The following AP3M1 variants were observed in gnomAD, a reference collection of about 807,000 sequenced individuals.
AP3M1 encodes adaptor related protein complex 3 subunit mu 1.
AP3M1 carries 29 observed loss-of-function variants against 42.6 expected under a neutral mutation model. That is an observed-to-expected ratio of 0.68 (90% CI 0.51 to 0.93). The LOEUF is 0.93. Ranked by LOEUF, AP3M1 falls within the 40% of genes least tolerant of loss-of-function variation. The probability of loss-of-function intolerance (pLI) is 0.00; values close to 1 mark genes in which losing one functional copy is unlikely to be tolerated. For synonymous variants in AP3M1, 178 were observed against 175.3 expected, an observed-to-expected ratio of 1.02 and a Z score of -0.12; for missense variants, 416 against 510.2, an observed-to-expected ratio of 0.82 and a Z score of 1.78.
At position 74,123,754 on chromosome 10, in the gene AP3M1, A is replaced by T. The variant is rs970003636; in HGVS notation, c.*56T>A. The T allele has an allele frequency of 1.5e-6, 2 of 1,329,294 alleles. No individual in the cohort carries two copies. Among genetic ancestry groups the T allele is most frequent in the Admixed American group, 3.4e-5 (2 of 59,514 alleles). The allele number at this position is 1,329,294 out of a possible 1,614,324, so 82.3% of individuals were successfully genotyped here. A position where few individuals can be genotyped will look rare whatever the true frequency, so the allele number is the denominator to read the frequency against. On this transcript the variant is annotated 3_prime_UTR_variant, in exon 9 of 9. Transcript: ENST00000355264. The stretch of plus-strand genomic sequence containing the variant: ...CCCACTCACTTGGTACCTAATAGTG[A>T]TACATCGTAATGACACTTGGAAAAC...
chr10:74,135,291 G>A (rs776662407), intron 3 of AP3M1, among the ~76,000 whole-genome samples: 3 of 152,090 alleles, frequency 2.0e-5, no homozygotes, highest in Non-Finnish European at 4.4e-5. Flanking sequence ...TTTCATGTGT[G>A]TTTTTTTCTC....
chr10:74,137,953 T>C (rs1346401512), intron 2 of AP3M1, among the ~76,000 whole-genome samples, 154 bp downstream of exon 2: 1 of 152,094 alleles, frequency 6.6e-6, no homozygotes, highest in Non-Finnish European at 1.5e-5. Context: ...TGTGTGTAAC[T>C]GTATACCACA....
intron 1 of AP3M1, among the ~76,000 whole-genome samples, chr10:74,142,216 T>C (rs1425817380): frequency 6.6e-6 from 1 of 152,228 alleles, no homozygotes; most frequent in Non-Finnish European, 1.5e-5. Context: ...TTTACGTGTA[T>C]AAGCACCAGT....
chr10:74,136,552 T>C, intron 3 of AP3M1, 80 bp downstream of exon 3: 1 of 1,133,914 alleles, frequency 8.8e-7, no homozygotes, highest in Non-Finnish European at 1.2e-6. Context: ...ACCTTAATAA[T>C]ATGTCAGATC....
chr10:74,136,557 C>CAG, intron 3 of AP3M1, 75 bp downstream of exon 3: 2 of 1,183,874 alleles, frequency 1.7e-6, no homozygotes, highest in Middle Eastern at 5.2e-4. Flanking sequence ...AATAATATGT[C>CAG]AGATCATGAG....
At chr10:74,142,211 G>A (rs982812313) in intron 1 of AP3M1, among the ~76,000 whole-genome samples, 2 of 152,130 alleles carry the variant, frequency 1.3e-5, no homozygotes, top group East Asian at 3.8e-4. Context: ...TATCTTTTAC[G>A]TGTATAAGCA....
At chr10:74,144,222 A>G (rs1453443683) in intron 1 of AP3M1, among the ~76,000 whole-genome samples, 1 of 152,102 alleles carries the variant, frequency 6.6e-6, no homozygotes, top group African/African-American at 2.4e-5. Context: ...CGGCCTCCCA[A>G]AGTGCTGGGA....
At position 74,120,309 on chromosome 10, in the gene AP3M1, A is replaced by G. The variant is rs1840396596; in HGVS notation, c.*3501T>C. The stretch of plus-strand genomic sequence containing the variant: ...AAATGTTGCACTGGAAGAAGAAATC[A>G]ACAGTGGTATATTTACTTAACAAGG... On this transcript the variant is annotated 3_prime_UTR_variant, in exon 9 of 9. Coordinates refer to ENST00000355264, the MANE Select transcript of AP3M1 (RefSeq NM_012095.6). 6.6e-6 allele frequency: 1 copy of G among 152,262 alleles called. No individual in the cohort carries two copies. The highest frequency in any genetic ancestry group is 1.5e-5 in the Non-Finnish European group (1 of 68,050). The allele number at this position is 152,262 out of a possible 1,614,324, so 9.4% of individuals were successfully genotyped here. A position where few individuals can be genotyped will look rare whatever the true frequency, so the allele number is the denominator to read the frequency against.
chr10:74,138,272 T>C lies in AP3M1; in HGVS notation c.108A>G (p.Gln36=). Residue 36 remains glutamine (Q), a synonymous_variant, in exon 2 of 9, where the codon CAA becomes CAG. Coordinates refer to ENST00000355264, the MANE Select transcript of AP3M1 (RefSeq NM_012095.6). The part of the protein sequence containing the change: ...QSVCDYFFEA[Q]EKAADVENVP... ...CATTTTCAACATCAGCAGCTTTCTC[T>C]TGAGCTTCAAAGAAATAATCACAGA... 1 of 1,613,800 alleles carries C rather than the reference T, an allele frequency of 6.2e-7. No homozygotes were observed. The highest frequency in any genetic ancestry group is 8.5e-7 in the Non-Finnish European group (1 of 1,179,932).
chr10:74,130,299 T>C (rs1289546989), intron 4 of AP3M1, among the ~76,000 whole-genome samples: 1 of 152,062 alleles, frequency 6.6e-6, no homozygotes, highest in Non-Finnish European at 1.5e-5. Flanking sequence ...AAGCTTTACA[T>C]CTCTATTAAC....
At chr10:74,127,130 A>G (rs1052072525) in intron 6 of AP3M1, among the ~76,000 whole-genome samples, 3 of 152,152 alleles carry the variant, frequency 2.0e-5, no homozygotes, top group East Asian at 1.9e-4. Flanking sequence ...GAGGATGTGC[A>G]TAGGTTATAT....
Position 74,123,661 on chromosome 10 carries a change from A to C in AP3M1, c.*149T>G. On this transcript the variant is annotated 3_prime_UTR_variant, in exon 9 of 9. Transcript: ENST00000355264. ...GCTTAAAGCTCCTTAAGAATCCTAC[A>C]TTGATAACTAAGTAACTTTGTTAGC... is the stretch of plus-strand genomic sequence containing the variant. The C allele has an allele frequency of 1.5e-6, 1 of 657,426 alleles. No individual in the cohort carries two copies. The highest frequency in any genetic ancestry group is 1.9e-5 in the South Asian group (1 of 52,416). The allele number at this position is 657,426 out of a possible 1,614,324, so 40.7% of individuals were successfully genotyped here.
chr10:74,131,359 G>C (rs529097832), intron 4 of AP3M1, among the ~76,000 whole-genome samples: 1 of 151,768 alleles, frequency 6.6e-6, no homozygotes, highest in Non-Finnish European at 1.5e-5. Flanking sequence ...AGTAGAGATG[G>C]GGTTTCACTG....
chr10:74,136,301 A>G (rs560460874), intron 3 of AP3M1, among the ~76,000 whole-genome samples: 3 of 152,324 alleles, frequency 2.0e-5, no homozygotes, highest in Non-Finnish European at 4.4e-5. Flanking sequence ...TAAATGGACT[A>G]AATTCTCTTC....
At position 74,126,202 on chromosome 10, in the gene AP3M1, C is replaced by G. The variant is rs1365944465; in HGVS notation, c.957G>C (p.Leu319=). ...TVTVHMPKVV[L]NMNLTPTQGS... is the part of the protein sequence containing the mutation. ...CTTGTGTGGGTGTCAGGTTCATGTT[C>G]AGCACAACTTTTGGCATGTGAACTG... Residue 319 remains leucine, a synonymous_variant, in exon 7 of 9, where the codon CTG becomes CTC. Transcript: ENST00000355264. 1 of 1,614,174 alleles carries G rather than the reference C, an allele frequency of 6.2e-7. No homozygotes were observed. Among genetic ancestry groups the G allele is most frequent in the East Asian group, 2.2e-5 (1 of 44,890 alleles).
At position 74,136,665 on chromosome 10, in the gene AP3M1, T is replaced by C. The variant is rs1197881862; in HGVS notation, c.412A>G (p.Thr138Ala). The change falls in exon 3 of 9, where the codon ACA (threonine) becomes GCA (alanine). Residue 138 changes from threonine (T) to alanine (A), a missense_variant. Transcript: ENST00000355264. ...NILKELIKPP[T>A]ILRSVVNSIT... ...GAGTTGACAACAGAGCGTAGAATTG[T>C]TGGTGGTTTAATCAATTCTTTCAAA... 107 of 1,592,240 alleles carry C rather than the reference T, an allele frequency of 6.7e-5. No homozygotes were observed. Among genetic ancestry groups the C allele is most frequent in the Non-Finnish European group, 9.0e-5 (105 of 1,163,400 alleles).
At chr10:74,131,095 A>G (rs1324742931) in intron 4 of AP3M1, among the ~76,000 whole-genome samples, 1 of 152,146 alleles carries the variant, frequency 6.6e-6, no homozygotes, top group Non-Finnish European at 1.5e-5. Flanking sequence ...CTGGGCGACA[A>G]TGTGAGACTC....
chr10:74,144,626 T>C (rs1213519640), intron 1 of AP3M1, among the ~76,000 whole-genome samples: 1 of 151,784 alleles, frequency 6.6e-6, no homozygotes, highest in Non-Finnish European at 1.5e-5. Context: ...TAGTAGTTAA[T>C]ATATTGAACA....
In AP3M1 at chr10:74,148,731, A is replaced by G. The variant is rs567638740; in HGVS notation, c.-4+2024T>C. Among the ~76,000 whole-genome samples the G allele has an allele frequency of 1.2e-4, 18 of 151,780 alleles. No individual in the cohort carries two copies. The South Asian group carries it at 3.5e-3, about 30-fold the overall frequency. On this transcript the variant is annotated intron_variant, in intron 1 of 8. Coordinates refer to ENST00000355264, the MANE Select transcript of AP3M1 (RefSeq NM_012095.6). ...GCCACAAAGCCTGGCTAATGTTTAA[A>G]TTTTTTGTAGAGATGGAGTCTCGCT...
Sources: allele counts gnomAD v4.1 joint callset (sites outside exome capture counted in the v4.1 genomes callset), GRCh38; gene constraint gnomAD v4.1.1; transcripts MANE v1.5; gene names NCBI Gene and HGNC (gene_info 2026-07-23, HGNC 2026-07-21).